OSR2: variants seen among roughly 807,000 people sequenced by gnomAD.
The protein encoded by OSR2 is odd-skipped related transciption factor 2, also known as protein odd-skipped-related 2.
A neutral mutation model predicts 22.3 loss-of-function variants in OSR2; 8 were observed. The observed-to-expected ratio is 0.36, with a 90% CI of 0.21 to 0.65. OSR2 has a LOEUF of 0.65. Among genes scored for constraint, OSR2 ranks in the 30% least tolerant of loss-of-function variants. The pLI is 0.66. For synonymous variants in OSR2, 179 were observed against 173.8 expected, an observed-to-expected ratio of 1.03 and a Z score of -0.23; for missense variants, 311 against 413.4, an observed-to-expected ratio of 0.75 and a Z score of 2.15.
chr8:98,945,508 C>T (rs1840582712), intron 1 of OSR2, among the ~76,000 whole-genome samples: 1 of 152,228 alleles, frequency 6.6e-6, no homozygotes, highest in African/African-American at 2.4e-5. Flanking sequence ...CAAAAGGGGG[C>T]TGGCGTTTCC....
In OSR2 at chr8:98,948,727, G is replaced by A. The variant is rs1840688301; in HGVS notation, c.-114-112G>A. 7.6e-7 allele frequency: 1 copy of A among 1,311,714 alleles called. No homozygotes were observed. 81.3% of individuals were successfully genotyped at this position (1,311,714 alleles called of 1,614,324 possible). A position where few individuals can be genotyped will look rare whatever the true frequency, so the allele number is the denominator to read the frequency against. On this transcript the variant is annotated intron_variant, in intron 1 of 3. Coordinates refer to ENST00000297565, the MANE Select transcript of OSR2 (RefSeq NM_001142462.3). This position sits in a 1 kb window ranked among gnomAD's most constrained non-coding sequence, Gnocchi z 6.0. The stretch of plus-strand genomic sequence containing the variant: ...CTCACGGCTTTCGGGGGGTCTTGGA[G>A]TCGGGTGGGGAGGGAGACTTAGGTG...
intron 1 of OSR2, among the ~76,000 whole-genome samples, chr8:98,947,016 C>T (rs1338828189): frequency 1.3e-5 from 2 of 151,462 alleles, no homozygotes; most frequent in Admixed American, 6.6e-5. Flanking sequence ...GGTAGATTAC[C>T]AGGAATGTTA....
Position 98,951,735 on chromosome 8 carries a change from TC to T in OSR2, c.*38del, listed in dbSNP as rs751751443. 64 of 1,581,846 alleles carry T rather than the reference TC, an allele frequency of 4.0e-5. No homozygotes were observed. Among genetic ancestry groups the T allele is most frequent in the Non-Finnish European group, 5.5e-5 (64 of 1,165,012 alleles). ...AGGATCTGTCCCGTGCCGCCGCTGC[TC>T]CCCTCCCCAGACACCTCTCCACGTC... On this transcript the variant is annotated 3_prime_UTR_variant, in exon 4 of 4. Coordinates refer to ENST00000297565, the MANE Select transcript of OSR2 (RefSeq NM_001142462.3).
Position 98,951,924 on chromosome 8 carries a change from C to G in OSR2, c.*223C>G, listed in dbSNP as rs958846734. 1 of 493,514 alleles carries G rather than the reference C, an allele frequency of 2.0e-6. No individual in the cohort carries two copies. Among genetic ancestry groups the G allele is most frequent in the Non-Finnish European group, 3.6e-6 (1 of 276,652 alleles). The allele number at this position is 493,514 out of a possible 1,614,324, so 30.6% of individuals were successfully genotyped here. On this transcript the variant is annotated 3_prime_UTR_variant, in exon 4 of 4. Coordinates refer to ENST00000297565, the MANE Select transcript of OSR2 (RefSeq NM_001142462.3). ...CTTCACAAAGAGTATATGCTAGTTTCTTGTAGATATTCACAGCTCATTTTA... is the reference window on the plus strand; with the variant it reads ...CTTCACAAAGAGTATATGCTAGTTTGTTGTAGATATTCACAGCTCATTTTA...
Position 98,949,900 on chromosome 8 carries a change from G to A in OSR2, c.656+292G>A, listed in dbSNP as rs1840731950. ...TATCCTGTCTCCTCCCGGTGCTGTG[G>A]GGAGTGGTGCAGGCAGAACCCAGGT... is the stretch of plus-strand genomic sequence containing the variant. On this transcript the variant is annotated intron_variant, in intron 2 of 3. Coordinates refer to ENST00000297565, the MANE Select transcript of OSR2 (RefSeq NM_001142462.3). The surrounding 1 kb of genome is among the most constrained non-coding windows in gnomAD (Gnocchi z 5.9). 6.6e-6 allele frequency among the ~76,000 whole-genome samples: 1 copy of A among 152,108 alleles called. No individual in the cohort carries two copies. The highest frequency in any genetic ancestry group is 6.5e-5 in the Admixed American group (1 of 15,278).
In OSR2 at chr8:98,948,406, C is replaced by G; in HGVS notation, c.-114-433C>G. The G allele has an allele frequency of 2.1e-6, 3 of 1,426,180 alleles. No individual in the cohort carries two copies. Among genetic ancestry groups the G allele is most frequent in the Non-Finnish European group, 2.7e-6 (3 of 1,092,426 alleles). The allele number at this position is 1,426,180 out of a possible 1,614,324, so 88.3% of individuals were successfully genotyped here. ...CCCACCGTTCCCAGGAGCTCCGAGG[C>G]GCAGCGGCGACAGAGGTTCGCCCCG... On this transcript the variant is annotated intron_variant, in intron 1 of 3. Coordinates refer to ENST00000297565, the MANE Select transcript of OSR2 (RefSeq NM_001142462.3). The surrounding 1 kb of genome is among the most constrained non-coding windows in gnomAD (Gnocchi z 6.0).
At position 98,951,853 on chromosome 8, in the gene OSR2, C is replaced by CT. The variant is rs1840794301; in HGVS notation, c.*154dup. Reference sequence around the variant, plus strand: ...CTGCAGCTCCAGGGAGTTAACTCTTCTTCTGGGGGACTGAGAACTGTAGAA... The same window carrying CT: ...CTGCAGCTCCAGGGAGTTAACTCTTCTTTCTGGGGGACTGAGAACTGTAGAA... On this transcript the variant is annotated 3_prime_UTR_variant, in exon 4 of 4. Transcript: ENST00000297565. 1.4e-6 allele frequency: 1 copy of CT among 692,370 alleles called. No individual in the cohort carries two copies. The highest frequency in any genetic ancestry group is 2.0e-5 in the South Asian group (1 of 51,230). 42.9% of individuals were successfully genotyped at this position (692,370 alleles called of 1,614,324 possible).
At position 98,948,541 on chromosome 8, in the gene OSR2, G is replaced by T. The variant is rs1035180630; in HGVS notation, c.-114-298G>T. On this transcript the variant is annotated intron_variant, in intron 1 of 3. Transcript: ENST00000297565. The surrounding 1 kb of genome is among the most constrained non-coding windows in gnomAD (Gnocchi z 6.0). ...GGTGCTGCCCGGCTGTCCGCCTTTC[G>T]TTTTCCTGGGACCGAGGAGTCTTCC... 11 of 1,323,478 alleles carry T rather than the reference G, an allele frequency of 8.3e-6. 1 individual carries two copies. The South Asian group carries it at 1.7e-4, about 21-fold the overall frequency. 82.0% of individuals were successfully genotyped at this position (1,323,478 alleles called of 1,614,324 possible). A position where few individuals can be genotyped will look rare whatever the true frequency, so the allele number is the denominator to read the frequency against.
chr8:98,951,760 T>A lies in OSR2; in HGVS notation c.*59T>A. 6.5e-7 allele frequency: 1 copy of A among 1,531,416 alleles called. No homozygotes were observed. The highest frequency in any genetic ancestry group is 2.0e-5 in the Admixed American group (1 of 50,144). 94.9% of individuals were successfully genotyped at this position (1,531,416 alleles called of 1,614,324 possible). A position where few individuals can be genotyped will look rare whatever the true frequency, so the allele number is the denominator to read the frequency against. On this transcript the variant is annotated 3_prime_UTR_variant, in exon 4 of 4. Coordinates refer to ENST00000297565, the MANE Select transcript of OSR2 (RefSeq NM_001142462.3). The stretch of plus-strand genomic sequence containing the variant: ...TCCCCTCCCCAGACACCTCTCCACG[T>A]CTCCTACCCAGGGGGTCGCATCCCT...
intron 1 of OSR2, among the ~76,000 whole-genome samples, chr8:98,947,303 A>C (rs74343785): frequency 0.054 from 8,262 of 151,988 alleles, 268 homozygotes; most frequent in African/African-American, 0.088. Flanking sequence ...CTGCCTTGCC[A>C]GAGCGCTCTG....
chr8:98,949,045 G>T lies in OSR2; in HGVS notation c.93G>T (p.Pro31=). The change falls in exon 2 of 4, where the codon CCG becomes CCT. Residue 31 remains proline, a synonymous_variant. Transcript: ENST00000297565. This position sits in a 1 kb window ranked among gnomAD's most constrained non-coding sequence, Gnocchi z 5.9. ...TCCTGCAGGCCGTGAACACCTTCCC[G>T]GCCACGGTGGACCACCTGCAGGGCC... is the stretch of plus-strand genomic sequence containing the variant. The part of the protein sequence containing the change: ...YSFLQAVNTF[P]ATVDHLQGLY... The T allele has an allele frequency of 6.2e-7, 1 of 1,613,898 alleles. No individual in the cohort carries two copies.
chr8:98,948,463 G>A lies in OSR2; in HGVS notation c.-114-376G>A. On this transcript the variant is annotated intron_variant, in intron 1 of 3. Transcript: ENST00000297565. This position sits in a 1 kb window ranked among gnomAD's most constrained non-coding sequence, Gnocchi z 6.0. ...TAGCATTGGCATTGCGGTTGACTGA[G>A]CTTCGCCTAACAGGCTTGGGGAGGG... The A allele has an allele frequency of 1.9e-6, 2 of 1,080,270 alleles. No homozygotes were observed. The highest frequency in any genetic ancestry group is 3.9e-5 in the South Asian group (2 of 51,546). The allele number at this position is 1,080,270 out of a possible 1,614,324, so 66.9% of individuals were successfully genotyped here.
intron 1 of OSR2, chr8:98,946,110 T>G (rs1331472567): frequency 1.3e-5 from 2 of 152,256 alleles, no homozygotes; most frequent in Non-Finnish European, 2.9e-5. Flanking sequence ...TTTCTCCACA[T>G]GCCTGGAAAT....
chr8:98,949,525 G>A lies in OSR2; in HGVS notation c.573G>A (p.Glu191=). The change falls in exon 2 of 4, where the codon GAG becomes GAA. Residue 191 remains glutamate, a synonymous_variant. Coordinates refer to ENST00000297565, the MANE Select transcript of OSR2 (RefSeq NM_001142462.3). This position sits in a 1 kb window ranked among gnomAD's most constrained non-coding sequence, Gnocchi z 5.9. ...AATCCTACAATTTGCTCATCCATGA[G>A]AGGACCCACACGGACGAGAGGCCGT... The part of the protein sequence containing the change: ...FTKSYNLLIH[E]RTHTDERPYT... 2 of 1,614,158 alleles carry A rather than the reference G, an allele frequency of 1.2e-6. No homozygotes were observed. The highest frequency in any genetic ancestry group is 2.2e-5 in the South Asian group (2 of 91,084).
rs1840711845 is a variant in OSR2, at chr8:98,949,228, C to T, written c.276C>T (p.Thr92=). ...CCTTCCCGGCCCTGCCTTTTACCAC[C>T]CACCTATTCCACCCCAAGCAGGGGG... ...RFPFPALPFT[T]HLFHPKQGAI... The change falls in exon 2 of 4, where the codon ACC becomes ACT. Residue 92 remains threonine, a synonymous_variant. Coordinates refer to ENST00000297565, the MANE Select transcript of OSR2 (RefSeq NM_001142462.3). The surrounding 1 kb of genome is among the most constrained non-coding windows in gnomAD (Gnocchi z 5.9). The T allele has an allele frequency of 6.3e-7, 1 of 1,593,792 alleles. No individual in the cohort carries two copies. Among genetic ancestry groups the T allele is most frequent in the East Asian group, 2.2e-5 (1 of 44,636 alleles).
chr8:98,949,647 G>T lies in OSR2; in HGVS notation c.656+39G>T. The stretch of plus-strand genomic sequence containing the variant: ...GGAGGATGGCTGGGAGAGGGAAAGC[G>T]AATTTGTCCTGGACACACCGAGTCC... On this transcript the variant is annotated intron_variant, in intron 2 of 3. Coordinates refer to ENST00000297565, the MANE Select transcript of OSR2 (RefSeq NM_001142462.3). The surrounding 1 kb of genome is among the most constrained non-coding windows in gnomAD (Gnocchi z 5.9). 1.9e-6 allele frequency: 3 copies of T among 1,579,988 alleles called. No homozygotes were observed. Among genetic ancestry groups the T allele is most frequent in the South Asian group, 2.3e-5 (2 of 85,402 alleles).
rs1177755721 is a variant in OSR2, at chr8:98,949,303, C to T, written c.351C>T (p.Asp117=). Residue 117 remains aspartate (D), a synonymous_variant, in exon 2 of 4, where the codon GAC becomes GAT. Transcript: ENST00000297565. The surrounding 1 kb of genome is among the most constrained non-coding windows in gnomAD (Gnocchi z 5.9). ...PALHKDRPRF[D]FANLAVAATQ... ...TGCACAAGGACCGGCCCCGTTTTGA[C>T]TTTGCCAATTTGGCGGTGGCTGCCA... 1.9e-6 allele frequency: 3 copies of T among 1,613,550 alleles called. No homozygotes were observed. In the South Asian group the frequency reaches 3.3e-5, roughly 18 times the overall value.
Position 98,951,632 on chromosome 8 carries a change from C to T in OSR2, c.870C>T (p.Gly290=). ...AGCCCTACAGCTGCGAGCAGTGCGGCAAAGTGTTCAGGCGAAACTGTGATC... is the reference window on the plus strand; with the variant it reads ...AGCCCTACAGCTGCGAGCAGTGCGGTAAAGTGTTCAGGCGAAACTGTGATC... The part of the protein sequence containing the change: ...DIKPYSCEQC[G]KVFRRNCDLR... The change falls in exon 4 of 4, where the codon GGC becomes GGT. Residue 290 remains glycine (G), a synonymous_variant. Coordinates refer to ENST00000297565, the MANE Select transcript of OSR2 (RefSeq NM_001142462.3). The T allele has an allele frequency of 6.2e-7, 1 of 1,613,978 alleles. No individual in the cohort carries two copies. Among genetic ancestry groups the T allele is most frequent in the Non-Finnish European group, 8.5e-7 (1 of 1,179,886 alleles).
intron 1 of OSR2, chr8:98,945,936 T>C (rs1840601464): frequency 6.6e-6 from 1 of 152,232 alleles, no homozygotes; most frequent in Admixed American, 6.5e-5. Context: ...TGACTGTATA[T>C]TATTTTTAGA....
Sources: gnomAD v4.1 joint callset for allele counts (sites outside exome capture counted in the v4.1 genomes callset) on GRCh38, gnomAD v4.1.1 for gene constraint, Gnocchi (gnomAD v3.1) non-coding constraint, MANE v1.5 for transcripts, NCBI Gene and HGNC (gene_info 2026-07-23, HGNC 2026-07-21) for gene names.